Variants in ROCK2 observed in about 807,000 individuals in gnomAD.
ROCK2 encodes rho-associated protein kinase 2.
Under a neutral mutation model 195.1 loss-of-function variants are expected in ROCK2, and 61 were observed. The ratio of observed to expected loss-of-function variants is 0.31; its 90% CI spans 0.25 to 0.39. The LOEUF is 0.39. Ranked by LOEUF, ROCK2 falls within the 10% of genes least tolerant of loss-of-function variation. ROCK2 has a pLI of 1.00. For missense variants in ROCK2, 1,109 were observed against 1,637.4 expected (o/e 0.68, Z 5.57); for synonymous variants, 504 against 545.5 (o/e 0.92, Z 1.06).
At chr2:11,207,504 C>T (rs1247576129) in intron 20 of ROCK2, among the ~76,000 whole-genome samples, 1 of 152,174 alleles carries the variant, frequency 6.6e-6, no homozygotes, top group Non-Finnish European at 1.5e-5. Context: ...CCAACACTTC[C>T]TCTATCATCA....
chr2:11,341,699 T>A (rs143117402), intron 1 of ROCK2, among the ~76,000 whole-genome samples: 7 of 152,322 alleles, frequency 4.6e-5, no homozygotes, highest in Non-Finnish European at 1.0e-4. Flanking sequence ...ACAAAATATG[T>A]ATTTCCCATG....
chr2:11,215,206 C>T, intron 15 of ROCK2, 115 bp downstream of exon 15: 1 of 1,460,992 alleles, frequency 6.8e-7, no homozygotes, highest in South Asian at 1.4e-5. Flanking sequence ...AAAATATTTT[C>T]CAAATGATTT....
rs1663866469 is a variant in ROCK2, at chr2:11,201,926, A to G, written c.2619+126T>C. 1 of 677,706 alleles carries G rather than the reference A, an allele frequency of 1.5e-6. No homozygotes were observed. Among genetic ancestry groups the G allele is most frequent in the Non-Finnish European group, 2.6e-6 (1 of 384,998 alleles). 42.0% of individuals were successfully genotyped at this position (677,706 alleles called of 1,614,324 possible). On this transcript the variant is annotated intron_variant, in intron 21 of 32. Coordinates refer to ENST00000315872, the MANE Select transcript of ROCK2 (RefSeq NM_004850.5). The surrounding 1 kb of genome is among the most constrained non-coding windows in gnomAD (Gnocchi z 4.6). ...AATTATTTTTCTAGCAATGATAATA[A>G]ATTTCTCTTAAACTATCTACATTCT...
chr2:11,301,579 C>A (rs1667706395), intron 1 of ROCK2, among the ~76,000 whole-genome samples: 1 of 151,818 alleles, frequency 6.6e-6, no homozygotes, highest in African/African-American at 2.4e-5. Flanking sequence ...GGGTTTGAGA[C>A]TAGCCTGGCC....
At chr2:11,308,145 C>T in intron 1 of ROCK2, 1 of 1,610,326 alleles carries the variant, frequency 6.2e-7, no homozygotes, top group Non-Finnish European at 8.5e-7. Flanking sequence ...ATTAGCAAGA[C>T]ATCTACAAAA....
intron 3 of ROCK2, among the ~76,000 whole-genome samples, chr2:11,286,249 TAA>T (rs1667186158): frequency 6.9e-6 from 1 of 144,322 alleles, no homozygotes; most frequent in African/African-American, 2.5e-5. Context: ...CAGATGTTTT[TAA>T]TCTGAACATT....
intron 9 of ROCK2, 40 bp from the exon 10 acceptor site, chr2:11,219,066 T>C: frequency 8.9e-7 from 1 of 1,128,464 alleles, no homozygotes; most frequent in Non-Finnish European, 1.3e-6. Flanking sequence ...TTTCATTTCA[T>C]TTTAATCTAT....
chr2:11,184,623 C>T (rs1663123723), intron 32 of ROCK2: 2 of 984,646 alleles, frequency 2.0e-6, no homozygotes, highest in Non-Finnish European at 1.2e-6. Flanking sequence ...ACATGCACTA[C>T]GTTGAAGTAC....
intron 3 of ROCK2, among the ~76,000 whole-genome samples, chr2:11,271,824 G>A (rs934680662): frequency 1.3e-5 from 2 of 152,076 alleles, no homozygotes; most frequent in South Asian, 2.1e-4. Context: ...TCAGGAGATC[G>A]AGACCATCCT....
At chr2:11,212,844 G>A (rs1357695302) in intron 17 of ROCK2, among the ~76,000 whole-genome samples, 1 of 151,938 alleles carries the variant, frequency 6.6e-6, no homozygotes, top group Non-Finnish European at 1.5e-5. Flanking sequence ...ACATACCAAT[G>A]ACTCAAATAT....
intron 3 of ROCK2, among the ~76,000 whole-genome samples, chr2:11,268,522 C>CTGTGTGTG (rs70953378): frequency 0.02 from 2,844 of 140,598 alleles, 43 homozygotes; most frequent in African/African-American, 0.044. Context: ...CAGTTTTGCA[C>CTGTGTGTG]TGTGTGTGTG....
At chr2:11,185,243 C>T (rs748334711) in intron 32 of ROCK2, among the ~76,000 whole-genome samples, 47 of 152,264 alleles carry the variant, frequency 3.1e-4, no homozygotes, top group Middle Eastern at 3.4e-3. Context: ...CAGTAGGACC[C>T]TGCCTGCTCA....
intron 3 of ROCK2, among the ~76,000 whole-genome samples, chr2:11,261,682 T>C (rs540771029): frequency 2.8e-4 from 42 of 152,188 alleles, no homozygotes; most frequent in African/African-American, 9.6e-4. Context: ...GCGGGCGTGG[T>C]GGCAGGCACC....
chr2:11,297,558 TTC>T (rs1346907134), intron 1 of ROCK2, among the ~76,000 whole-genome samples: 4 of 152,158 alleles, frequency 2.6e-5, no homozygotes, highest in Admixed American at 2.6e-4. Context: ...TTGTTTTTTT[TTC>T]TCTCTCTTCT....
chr2:11,238,114 A>T (rs1018824039), intron 4 of ROCK2, among the ~76,000 whole-genome samples: 2 of 152,106 alleles, frequency 1.3e-5, no homozygotes, highest in African/African-American at 4.8e-5. Flanking sequence ...TAAGAGGATT[A>T]TTATGTGAGA....
At chr2:11,198,883 CTTTTTT>C (rs34674935) in intron 23 of ROCK2, 109 bp from the exon 24 acceptor site, 3 of 483,540 alleles carry the variant, frequency 6.2e-6, no homozygotes, top group Admixed American at 4.2e-5. Flanking sequence ...TCTTATTTTT[CTTTTTT>C]TTTTTTTTTT....
chr2:11,301,567 A>T (rs1667705833), intron 1 of ROCK2, among the ~76,000 whole-genome samples: 1 of 151,894 alleles, frequency 6.6e-6, no homozygotes, highest in Admixed American at 6.6e-5. Flanking sequence ...ACCTGATGTC[A>T]GGGGTTTGAG....
intron 1 of ROCK2, among the ~76,000 whole-genome samples, chr2:11,298,459 G>C (rs560319479): frequency 1.1e-3 from 120 of 113,324 alleles, no homozygotes; most frequent in African/African-American, 4.0e-3. Flanking sequence ...AACAGAGTGA[G>C]ACTCCATCTC....
intron 1 of ROCK2, among the ~76,000 whole-genome samples, chr2:11,295,812 C>T (rs768558074): frequency 3.3e-5 from 5 of 151,510 alleles, no homozygotes; most frequent in Non-Finnish European, 7.4e-5. Flanking sequence ...CAAAGATTAG[C>T]CAGGCGTGGT....
Sources: allele counts gnomAD v4.1 joint callset (sites outside exome capture counted in the v4.1 genomes callset), GRCh38; gene constraint gnomAD v4.1.1; non-coding constraint Gnocchi (gnomAD v3.1); transcripts MANE v1.5; gene names NCBI Gene and HGNC (gene_info 2026-07-23, HGNC 2026-07-21).